Variants in PDE1A observed in about 807,000 individuals in gnomAD.
PDE1A encodes dual specificity calcium/calmodulin-dependent 3',5'-cyclic nucleotide phosphodiesterase 1A.
Under a neutral mutation model 61.7 loss-of-function variants are expected in PDE1A, and 35 were observed. The ratio of observed to expected loss-of-function variants is 0.57; its 90% CI spans 0.43 to 0.75. PDE1A has a LOEUF of 0.75. Ranked by LOEUF, PDE1A falls within the 30% of genes least tolerant of loss-of-function variation. The probability of loss-of-function intolerance (pLI) is 0.00; values close to 1 mark genes in which losing one functional copy is unlikely to be tolerated. For missense variants in PDE1A, 597 were observed against 630.6 expected, an observed-to-expected ratio of 0.95 and a Z score of 0.57; for synonymous variants, 232 against 213.2, an observed-to-expected ratio of 1.09 and a Z score of -0.77.
chr2:182,441,871 C>T (rs1292240956), intron 2 of PDE1A, among the ~76,000 whole-genome samples: 1 of 151,936 alleles, frequency 6.6e-6, no homozygotes, highest in Non-Finnish European at 1.5e-5. Flanking sequence ...TCTTATTGCC[C>T]ACTGAATAAA....
chr2:182,527,322 AAAAAAATATATATATATATATATAT>A (rs1690789360), upstream of PDE1A, among the ~76,000 whole-genome samples: 4 of 42,170 alleles, frequency 9.5e-5, no homozygotes, highest in African/African-American at 3.8e-4. Flanking sequence ...AAAAAAAAAA[AAAAAAATATATATATATATATATAT>A]ATATATATAT....
intron 1 of PDE1A, among the ~76,000 whole-genome samples, chr2:182,396,488 T>C (rs1338162514): frequency 1.3e-5 from 2 of 152,264 alleles, no homozygotes; most frequent in Non-Finnish European, 2.9e-5. Context: ...TAATACCAGC[T>C]ACGACTACAT....
the PDE1A span, among the ~76,000 whole-genome samples, chr2:182,633,698 A>T: frequency 6.6e-6 from 1 of 152,230 alleles, no homozygotes; most frequent in African/African-American, 2.4e-5. Context: ...AATATTTCTA[A>T]TCATTTGGCC....
chr2:182,642,390 C>G, the PDE1A span, among the ~76,000 whole-genome samples: 1 of 152,178 alleles, frequency 6.6e-6, no homozygotes, highest in African/African-American at 2.4e-5. Context: ...TGCTTTGCCT[C>G]AGATCAGACA....
chr2:182,384,823 A>C (rs938844999), intron 1 of PDE1A, among the ~76,000 whole-genome samples: 2 of 152,174 alleles, frequency 1.3e-5, no homozygotes, highest in African/African-American at 4.8e-5. Context: ...GAAAGGTCAA[A>C]TATCTCCAAT....
At chr2:182,592,637 A>G in the PDE1A span, among the ~76,000 whole-genome samples, 1 of 152,230 alleles carries the variant, frequency 6.6e-6, no homozygotes, top group East Asian at 1.9e-4. Context: ...TACAAAATAC[A>G]GGAAAAAAAA....
chr2:182,143,441 A>T (rs571932147), downstream of PDE1A, among the ~76,000 whole-genome samples: 8 of 152,272 alleles, frequency 5.3e-5, no homozygotes, highest in South Asian at 1.0e-3. Flanking sequence ...GTGGCAATTC[A>T]CATTGCACTT....
chr2:182,246,926 G>T (rs1372571390), intron 2 of PDE1A, among the ~76,000 whole-genome samples: 1 of 152,142 alleles, frequency 6.6e-6, no homozygotes, highest in Non-Finnish European at 1.5e-5. Flanking sequence ...CCACTGAATG[G>T]CTATAAAGTG....
chr2:182,619,847 A>G, the PDE1A span, among the ~76,000 whole-genome samples: 4 of 152,148 alleles, frequency 2.6e-5, no homozygotes, highest in Non-Finnish European at 5.9e-5. Flanking sequence ...AGGGCATGGT[A>G]CCAGCACCTT....
intron 2 of PDE1A, among the ~76,000 whole-genome samples, chr2:182,258,117 G>A (rs867289015): frequency 6.6e-6 from 1 of 151,588 alleles, no homozygotes; most frequent in East Asian, 1.9e-4. Context: ...GCAGTGAGCC[G>A]AGATTGTGCC....
At chr2:182,168,347 G>C (rs1691799056) in intron 13 of PDE1A, 2 of 1,470,320 alleles carry the variant, frequency 1.4e-6, no homozygotes, top group South Asian at 2.6e-5. Context: ...CTGTAAAGAA[G>C]TTATGAAAAA....
upstream of PDE1A, among the ~76,000 whole-genome samples, chr2:182,524,605 T>C (rs780613939): frequency 1.3e-5 from 2 of 152,104 alleles, no homozygotes; most frequent in Non-Finnish European, 2.9e-5. Context: ...TAAAATAAAA[T>C]TTTGAATAAT....
the PDE1A span, among the ~76,000 whole-genome samples, chr2:182,638,370 A>G: frequency 6.6e-6 from 1 of 152,038 alleles, no homozygotes; most frequent in Non-Finnish European, 1.5e-5. Flanking sequence ...GAACATCTCT[A>G]CTAAAAATAA....
chr2:182,597,410 T>C, the PDE1A span, among the ~76,000 whole-genome samples: 1 of 152,008 alleles, frequency 6.6e-6, no homozygotes, highest in Non-Finnish European at 1.5e-5. Flanking sequence ...GAGCCATCAA[T>C]AGGTTCAAAG....
At chr2:182,574,744 T>G in the PDE1A span, among the ~76,000 whole-genome samples, 2 of 152,264 alleles carry the variant, frequency 1.3e-5, no homozygotes, top group East Asian at 3.9e-4. Context: ...TAGGCTGGAG[T>G]GCATTGGCAC....
intron 2 of PDE1A, among the ~76,000 whole-genome samples, chr2:182,432,135 G>C (rs894409925): frequency 2.6e-5 from 4 of 152,078 alleles, no homozygotes; most frequent in African/African-American, 9.7e-5. Flanking sequence ...CTGTATGTCA[G>C]TTTCCTCACT....
At chr2:182,636,006 A>T in the PDE1A span, among the ~76,000 whole-genome samples, 1 of 121,280 alleles carries the variant, frequency 8.2e-6, no homozygotes, top group Non-Finnish European at 1.6e-5. Flanking sequence ...CCCAGGCCGG[A>T]CTGCAGTGGC....
intron 1 of PDE1A, among the ~76,000 whole-genome samples, chr2:182,266,060 A>G (rs1367873668): frequency 2.0e-5 from 3 of 152,030 alleles, no homozygotes; most frequent in Non-Finnish European, 1.5e-5. Flanking sequence ...TCTCTATGGG[A>G]AAAAAAAGAC....
intron 2 of PDE1A, among the ~76,000 whole-genome samples, chr2:182,250,893 G>C (rs1691350778): frequency 1.3e-5 from 2 of 152,144 alleles, no homozygotes; most frequent in Admixed American, 1.3e-4. Flanking sequence ...TCCAGGAGAG[G>C]CAGAAAGGAC....
Sources: gnomAD v4.1 joint callset for allele counts (sites outside exome capture counted in the v4.1 genomes callset) on GRCh38, gnomAD v4.1.1 for gene constraint, MANE v1.5 for transcripts, NCBI Gene and HGNC (gene_info 2026-07-23, HGNC 2026-07-21) for gene names.